RAPGEF5: variants seen among roughly 807,000 people sequenced by gnomAD.
RAPGEF5 encodes Rap guanine nucleotide exchange factor 5.
In RAPGEF5, 65 loss-of-function variants were observed where a neutral mutation model predicts 125.2. That is an observed-to-expected ratio of 0.52 (90% CI 0.43 to 0.64). RAPGEF5 has a LOEUF of 0.64. Ranked by LOEUF, RAPGEF5 falls within the 30% of genes least tolerant of loss-of-function variation. The pLI, the probability that RAPGEF5 is intolerant of heterozygous loss-of-function variation, is 0.00. For synonymous variants in RAPGEF5, 391 were observed against 385.9 expected, an observed-to-expected ratio of 1.01 and a Z score of -0.16; for missense variants, 958 against 1,048.1, an observed-to-expected ratio of 0.91 and a Z score of 1.19.
At chr7:22,231,220 T>C (rs1230270248) in intron 7 of RAPGEF5, among the ~76,000 whole-genome samples, 1 of 152,114 alleles carries the variant, frequency 6.6e-6, no homozygotes, top group Admixed American at 6.6e-5. Flanking sequence ...AGGGCAGCTG[T>C]GGGTATAAGA....
Position 22,193,939 on chromosome 7 carries a change from G to C in RAPGEF5, c.1091C>G (p.Ala364Gly), listed in dbSNP as rs778071936. Residue 364 changes from alanine to glycine, a missense_variant, in exon 10 of 26, where the codon GCT (alanine) becomes GGT (glycine). Ala to Gly is a moderately conservative substitution (Grantham distance 60, BLOSUM62 0). Transcript: ENST00000665637. ...CCTCCAATGGCTCTCCGCACTCCCA[G>C]CTGTGGGGGCTGGGCCACAGCACTG... ...KVQCCGPAPT[A>G]GSAESHWRYV... 1.2e-6 allele frequency: 2 copies of C among 1,613,910 alleles called. No homozygotes were observed. Among genetic ancestry groups the C allele is most frequent in the East Asian group, 4.5e-5 (2 of 44,876 alleles).
At chr7:22,210,554 G>A (rs1785486794) in intron 9 of RAPGEF5, among the ~76,000 whole-genome samples, 1 of 152,056 alleles carries the variant, frequency 6.6e-6, no homozygotes, top group East Asian at 1.9e-4. Flanking sequence ...ATACCTCCAA[G>A]CCACTTTCTG....
chr7:22,206,667 A>C (rs1242474064), intron 9 of RAPGEF5, among the ~76,000 whole-genome samples: 1 of 151,228 alleles, frequency 6.6e-6, no homozygotes, highest in East Asian at 1.9e-4. Flanking sequence ...CCTGGGCAAC[A>C]GAGTGAGACC....
In RAPGEF5 at chr7:22,204,762, T is replaced by C. The variant is rs1288392939; in HGVS notation, c.997-10729A>G. 2.6e-5 allele frequency among the ~76,000 whole-genome samples: 4 copies of C among 152,336 alleles called. No homozygotes were observed. In the East Asian group the frequency reaches 5.8e-4, roughly 22 times the overall value. On this transcript the variant is annotated intron_variant, in intron 9 of 25. Transcript: ENST00000665637. ...GATAAAGGTAGACAAAGTGGCACTC[T>C]TGGTGCATGGAACAGTAACAGGAAG...
chr7:22,175,207 A>G, intron 11 of RAPGEF5, among the ~76,000 whole-genome samples: 1 of 152,202 alleles, frequency 6.6e-6, no homozygotes, highest in Non-Finnish European at 1.5e-5. Flanking sequence ...CTGCTTGAAG[A>G]GGCTTTATCG....
At chr7:22,183,090 T>C (rs1221564083) in intron 11 of RAPGEF5, among the ~76,000 whole-genome samples, 1 of 151,880 alleles carries the variant, frequency 6.6e-6, no homozygotes, top group Non-Finnish European at 1.5e-5. Context: ...CTGGCCAACA[T>C]AGTGAAACCC....
chr7:22,203,021 TTTTG>T (rs1232875204), intron 9 of RAPGEF5: 3 of 226,762 alleles, frequency 1.3e-5, no homozygotes, highest in East Asian at 1.3e-4. Flanking sequence ...CTTGCTATGA[TTTTG>T]TTTATGTGTA....
intron 8 of RAPGEF5, among the ~76,000 whole-genome samples, chr7:22,225,196 G>T (rs1015576707): frequency 6.6e-6 from 1 of 152,112 alleles, no homozygotes; most frequent in African/African-American, 2.4e-5. Flanking sequence ...TAAATAAAAT[G>T]AACTTCCCTT....
intron 7 of RAPGEF5, among the ~76,000 whole-genome samples, chr7:22,242,746 GT>G (rs2128136493): frequency 6.6e-6 from 1 of 152,188 alleles, no homozygotes; most frequent in African/African-American, 2.4e-5. Context: ...GAGGACAGGA[GT>G]TCGAGACCAG....
In RAPGEF5 at chr7:22,121,215, A is replaced by T. The variant is rs1240047943; in HGVS notation, c.*1191T>A. ...AATGGGAATAATAAGATTTTAGAAGACTCAGATTTTGAAAAAAAAAAAAAA... is the reference window on the plus strand; with the variant it reads ...AATGGGAATAATAAGATTTTAGAAGTCTCAGATTTTGAAAAAAAAAAAAAA... On this transcript the variant is annotated 3_prime_UTR_variant, in exon 26 of 26. Coordinates refer to ENST00000665637, the MANE Select transcript of RAPGEF5 (RefSeq NM_012294.5). 1 of 141,192 alleles carries T rather than the reference A, an allele frequency of 7.1e-6. No homozygotes were observed. Among genetic ancestry groups the T allele is most frequent in the African/African-American group, 2.7e-5 (1 of 36,526 alleles). The allele number at this position is 141,192 out of a possible 1,614,324, so 8.7% of individuals were successfully genotyped here. A position where few individuals can be genotyped will look rare whatever the true frequency, so the allele number is the denominator to read the frequency against.
intron 2 of RAPGEF5, 42 bp downstream of exon 2, chr7:22,317,945 T>A (rs1297308166): frequency 3.2e-6 from 5 of 1,544,846 alleles, no homozygotes; most frequent in Non-Finnish European, 4.4e-6. Flanking sequence ...AATTTGTCAA[T>A]CACTATTTCA....
chr7:22,228,930 G>C (rs193005533), intron 8 of RAPGEF5, among the ~76,000 whole-genome samples: 1 of 152,072 alleles, frequency 6.6e-6, no homozygotes, highest in African/African-American at 2.4e-5. Flanking sequence ...CCTATGTGCC[G>C]GGATTGCCAG....
intron 18 of RAPGEF5, 125 bp from the exon 19 acceptor site, chr7:22,147,144 T>A (rs949977513): frequency 1.3e-5 from 17 of 1,266,140 alleles, no homozygotes; most frequent in Non-Finnish European, 1.9e-5. Flanking sequence ...CACTTAATAT[T>A]TTCCCTGGTC....
chr7:22,164,083 C>T (rs1288053610), intron 12 of RAPGEF5, among the ~76,000 whole-genome samples: 1 of 152,116 alleles, frequency 6.6e-6, no homozygotes, highest in African/African-American at 2.4e-5. Flanking sequence ...CCTATAATCC[C>T]AGCGCTTTGG....
At chr7:22,241,281 T>C (rs1248618767) in intron 7 of RAPGEF5, among the ~76,000 whole-genome samples, 3 of 152,214 alleles carry the variant, frequency 2.0e-5, no homozygotes, top group Non-Finnish European at 2.9e-5. Context: ...CTGCCAAATC[T>C]TCCCAGTAGA....
chr7:22,216,833 C>A (rs772095626), intron 9 of RAPGEF5, among the ~76,000 whole-genome samples: 29 of 152,192 alleles, frequency 1.9e-4, no homozygotes, highest in Non-Finnish European at 3.8e-4. Flanking sequence ...TTCAGAAACA[C>A]CTTGGCAAAA....
At chr7:22,285,647 C>T (rs2128145891) in intron 6 of RAPGEF5, among the ~76,000 whole-genome samples, 1 of 152,266 alleles carries the variant, frequency 6.6e-6, no homozygotes, top group Admixed American at 6.5e-5. Context: ...TTTATAACCT[C>T]TCTGGATGAA....
At chr7:22,355,982 G>A (rs1784413036) in intron 1 of RAPGEF5, 1 of 985,294 alleles carries the variant, frequency 1.0e-6, no homozygotes, top group African/African-American at 1.7e-5. Flanking sequence ...ACCCACCAAA[G>A]GTGCCGCCAA....
intron 6 of RAPGEF5, among the ~76,000 whole-genome samples, chr7:22,274,664 A>G (rs546795420): frequency 3.8e-4 from 58 of 152,206 alleles, no homozygotes; most frequent in African/African-American, 1.3e-3. Context: ...GCTGCACTCC[A>G]CAAATCTGCT....
Sources: allele counts gnomAD v4.1 joint callset (sites outside exome capture counted in the v4.1 genomes callset), GRCh38; gene constraint gnomAD v4.1.1; transcripts MANE v1.5; gene names NCBI Gene and HGNC (gene_info 2026-07-23, HGNC 2026-07-21).